The following TAF1 variants were observed in gnomAD, a reference collection of about 807,000 sequenced individuals.
TAF1 encodes the protein transcription initiation factor TFIID subunit 1.
TAF1 carries 2 observed loss-of-function variants against 138.5 expected under a neutral mutation model. That is an observed-to-expected ratio of 0.01 (90% CI 0.01 to 0.05). The LOEUF (loss-of-function observed/expected upper bound fraction) is 0.05, where lower values mean the gene tolerates loss of function less well. Ranked by LOEUF, TAF1 falls within the 10% of genes least tolerant of loss-of-function variation. The probability of loss-of-function intolerance (pLI) is 1.00; values close to 1 mark genes in which losing one functional copy is unlikely to be tolerated. For synonymous variants in TAF1, 437 were observed against 503.2 expected, an observed-to-expected ratio of 0.87 and a Z score of 1.76; for missense variants, 709 against 1,478.0, an observed-to-expected ratio of 0.48 and a Z score of 8.53.
At chrX:71,461,680 T>C (rs888134816) in intron 37 of TAF1, among the ~76,000 whole-genome samples, 1 of 112,004 alleles carries the variant, frequency 8.9e-6, no homozygotes, top group Non-Finnish European at 1.9e-5. Flanking sequence ...TGCAATAACA[T>C]TGTAAACAAA....
At chrX:71,433,803 G>A (rs1265040096) in intron 32 of TAF1, among the ~76,000 whole-genome samples, 1 of 109,146 alleles carries the variant, frequency 9.2e-6, no homozygotes, top group African/African-American at 3.3e-5. Context: ...TAATGTCTGG[G>A]TAGTAGCAGT....
chrX:71,412,126 T>C (rs1002224230), intron 28 of TAF1, among the ~76,000 whole-genome samples: 1 of 104,322 alleles, frequency 9.6e-6, no homozygotes, highest in Admixed American at 1.0e-4. Context: ...TTCCTGGTTT[T>C]TTTTTTTTTT....
chrX:71,460,513 A>G, intron 36 of TAF1, 113 bp from the exon 37 acceptor site: 1 of 891,679 alleles, frequency 1.1e-6, no homozygotes, highest in Non-Finnish European at 1.6e-6. Flanking sequence ...GCGTATAGGC[A>G]AGATACCTGT....
In TAF1 at chrX:71,390,095, TG is replaced by T. The variant is rs759364045; in HGVS notation, c.2781+431del. Among the ~76,000 whole-genome samples, 52 of 111,979 alleles carry T rather than the reference TG, an allele frequency of 4.6e-4. No homozygotes were observed. The Admixed American group carries it at 5.0e-3, about 11-fold the overall frequency. On this transcript the variant is annotated intron_variant, in intron 18 of 37. Coordinates refer to ENST00000423759, the MANE Select transcript of TAF1 (RefSeq NM_004606.5). ...TTCACCATGTTGGCCAGACTGGTCTTGAGCTCCTGACCTCAAGTGATCCTCG... is the reference window on the plus strand; with the variant it reads ...TTCACCATGTTGGCCAGACTGGTCTTAGCTCCTGACCTCAAGTGATCCTCG...
chrX:71,389,042 A>C (rs1365699292), intron 17 of TAF1, among the ~76,000 whole-genome samples, 174 bp downstream of exon 17: 1 of 111,924 alleles, frequency 8.9e-6, no homozygotes, highest in African/African-American at 3.2e-5. Context: ...TTCTACGTAC[A>C]TCAGTTCTGG....
At chrX:71,499,761 A>G (rs1448985983) in intron 13 of TAF1, among the ~76,000 whole-genome samples, 2 of 111,334 alleles carry the variant, frequency 1.8e-5, no homozygotes, top group Non-Finnish European at 1.9e-5. Flanking sequence ...CATTCACTTG[A>G]CTAAGATACC....
At chrX:71,522,860 C>T (rs2039927575) in intron 13 of TAF1, among the ~76,000 whole-genome samples, 1 of 92,514 alleles carries the variant, frequency 1.1e-5, no homozygotes, top group Admixed American at 1.3e-4. Context: ...TTCCTTTGAG[C>T]TTAGATTTTT....
intron 13 of TAF1, among the ~76,000 whole-genome samples, chrX:71,502,646 T>C (rs753245434): frequency 8.8e-6 from 1 of 113,085 alleles, no homozygotes; most frequent in East Asian, 2.8e-4. Flanking sequence ...ATTTAAAATA[T>C]ATACTTATAG....
intron 32 of TAF1, among the ~76,000 whole-genome samples, chrX:71,451,621 C>T (rs1055981394): frequency 9.1e-5 from 10 of 109,676 alleles, no homozygotes; most frequent in African/African-American, 3.0e-4. Flanking sequence ...GAGGACCCTG[C>T]GGCCTTCCGC....
chrX:71,367,470 A>G (rs1443680440), intron 1 of TAF1, 29 bp from the exon 2 acceptor site: 2 of 1,203,669 alleles, frequency 1.7e-6, no homozygotes, highest in Non-Finnish European at 2.2e-6. Flanking sequence ...TTTAGTTGTT[A>G]TCTTCGACTC....
At chrX:71,445,728 A>G (rs1289009622) in intron 32 of TAF1, among the ~76,000 whole-genome samples, 1 of 112,112 alleles carries the variant, frequency 8.9e-6, no homozygotes, top group African/African-American at 3.2e-5. Flanking sequence ...GTTAAAACCC[A>G]TAGATCAATT....
At chrX:71,426,730 A>G (rs890071091) in intron 32 of TAF1, among the ~76,000 whole-genome samples, 12 of 109,864 alleles carry the variant, frequency 1.1e-4, no homozygotes, top group African/African-American at 4.0e-4. Context: ...AAAAAAAAAC[A>G]AAGAGACAGT....
intron 32 of TAF1, among the ~76,000 whole-genome samples, chrX:71,444,951 A>G (rs777147579): frequency 1.8e-5 from 2 of 108,782 alleles, no homozygotes; most frequent in East Asian, 2.9e-4. Context: ...GATGGTCTCA[A>G]TCTCCTGACC....
chrX:71,384,903 T>C lies in TAF1; in HGVS notation c.2122-42T>C, dbSNP rs1227351691. The C allele has an allele frequency of 3.0e-6, 3 of 1,000,990 alleles. No homozygotes were observed. The Admixed American group carries it at 7.0e-5, about 23-fold the overall frequency. 82.5% of individuals were successfully genotyped at this position (1,000,990 alleles called of 1,213,427 possible). ...GCTATGGTCATATTGTGTAGGATTA[T>C]TGATATATTCTAAATAACTGGGTCT... On this transcript the variant is annotated intron_variant, in intron 13 of 37. Transcript: ENST00000423759.
At chrX:71,450,704 C>A (rs1162555226) in intron 32 of TAF1, among the ~76,000 whole-genome samples, 2 of 112,149 alleles carry the variant, frequency 1.8e-5, no homozygotes, top group Non-Finnish European at 3.8e-5. Flanking sequence ...CTATAAACTT[C>A]TTGAGGATAT....
intron 32 of TAF1, among the ~76,000 whole-genome samples, chrX:71,443,334 C>T (rs1018607295): frequency 9.0e-6 from 1 of 111,681 alleles, no homozygotes; most frequent in African/African-American, 3.3e-5. Flanking sequence ...TCTTTTATTT[C>T]GTTGAGCAGT....
intron 28 of TAF1, among the ~76,000 whole-genome samples, chrX:71,409,297 T>C (rs2035646584): frequency 9.1e-6 from 1 of 110,077 alleles, no homozygotes. Context: ...TGTTAATTTT[T>C]GTACTTTTTT....
intron 32 of TAF1, among the ~76,000 whole-genome samples, chrX:71,451,609 C>T (rs938824561): frequency 3.7e-5 from 4 of 109,270 alleles, no homozygotes; most frequent in African/African-American, 1.3e-4. Flanking sequence ...TTTTCCTAGG[C>T]AGAGGACCCT....
intron 13 of TAF1, among the ~76,000 whole-genome samples, chrX:71,472,223 T>C: frequency 8.9e-6 from 1 of 111,849 alleles, no homozygotes; most frequent in African/African-American, 3.2e-5. Flanking sequence ...ACTCCTGGGC[T>C]CAAGCAATCT....
Sources: allele counts gnomAD v4.1 joint callset (sites outside exome capture counted in the v4.1 genomes callset), GRCh38; gene constraint gnomAD v4.1.1; transcripts MANE v1.5; gene names NCBI Gene and HGNC (gene_info 2026-07-23, HGNC 2026-07-21).